The following MTAP variants were observed in gnomAD, a reference collection of about 807,000 sequenced individuals.
MTAP encodes methylthioadenosine phosphorylase.
Under a neutral mutation model 33.6 loss-of-function variants are expected in MTAP, and 33 were observed. The observed-to-expected ratio is 0.98, with a 90% confidence interval of 0.74 to 1.31. The LOEUF (loss-of-function observed/expected upper bound fraction) is 1.31, where lower values mean the gene tolerates loss of function less well. Ranked by LOEUF, MTAP falls within the 40% of genes most tolerant of loss-of-function variation. The pLI, the probability that MTAP is intolerant of heterozygous loss-of-function variation, is 0.00. For synonymous variants in MTAP, 148 were observed against 125.7 expected (o/e 1.18, Z -1.19); for missense variants, 367 against 360.0 (o/e 1.02, Z -0.16).
At chr9:21,929,995 TC>T (rs2131046401) in intron 1 of MTAP, 1 of 419,094 alleles carries the variant, frequency 2.4e-6, no homozygotes, top group South Asian at 2.1e-5. Flanking sequence ...ATATTATCTT[TC>T]TTCAGGCAAC....
chr9:21,917,907 C>G (rs1329160163), intron 1 of MTAP, among the ~76,000 whole-genome samples: 1 of 152,064 alleles, frequency 6.6e-6, no homozygotes, highest in African/African-American at 2.4e-5. Context: ...TACTACTGAG[C>G]TATAAAAAGG....
chr9:21,808,320 C>T (rs1250382997), intron 1 of MTAP, among the ~76,000 whole-genome samples: 3 of 151,908 alleles, frequency 2.0e-5, no homozygotes, highest in African/African-American at 4.8e-5. Flanking sequence ...CATGGTGGCT[C>T]ATGCCTGTAA....
chr9:21,813,100 G>C (rs1824391786), intron 1 of MTAP, among the ~76,000 whole-genome samples: 1 of 152,212 alleles, frequency 6.6e-6, no homozygotes. Flanking sequence ...AAGGAATGTG[G>C]ATAGAATTGG....
intron 1 of MTAP, among the ~76,000 whole-genome samples, chr9:21,804,019 C>T (rs1285597717): frequency 1.3e-5 from 2 of 152,190 alleles, no homozygotes; most frequent in East Asian, 3.8e-4. Flanking sequence ...GGCCTCTCCC[C>T]TGCCTTCATT....
At chr9:21,850,692 G>C (rs1214399892) in intron 5 of MTAP, among the ~76,000 whole-genome samples, 1 of 152,222 alleles carries the variant, frequency 6.6e-6, no homozygotes, top group African/African-American at 2.4e-5. Context: ...CCTGTTACTG[G>C]ACTTTGGTGG....
intron 1 of MTAP, among the ~76,000 whole-genome samples, chr9:21,804,346 TA>T (rs1244480420): frequency 2.0e-5 from 3 of 152,234 alleles, no homozygotes; most frequent in Non-Finnish European, 4.4e-5. Context: ...AAATGGTGTT[TA>T]AAACAGTCTT....
intron 1 of MTAP, among the ~76,000 whole-genome samples, chr9:21,894,065 C>G (rs1246709495): frequency 2.0e-5 from 3 of 151,958 alleles, no homozygotes; most frequent in Non-Finnish European, 4.4e-5. Flanking sequence ...ATCAAGTAGC[C>G]TTTATTCTTG....
intron 1 of MTAP, among the ~76,000 whole-genome samples, chr9:21,894,860 C>G (rs1360401353): frequency 2.0e-5 from 3 of 151,496 alleles, no homozygotes; most frequent in Admixed American, 2.0e-4. Flanking sequence ...ATGTATAAAA[C>G]TCAGCATTTC....
Position 21,863,748 on chromosome 9 carries a change from A to G in MTAP, c.*1734A>G. 1 of 985,908 alleles carries G rather than the reference A, an allele frequency of 1.0e-6. No homozygotes were observed. The highest frequency in any genetic ancestry group is 1.2e-6 in the Non-Finnish European group (1 of 829,930). 61.1% of individuals were successfully genotyped at this position (985,908 alleles called of 1,614,324 possible). ...ACAGGATACTTCAGGATCAAGATAC[A>G]GAACCTTTTATTTAAAGAGTTTGTA... On this transcript the variant is annotated 3_prime_UTR_variant, in exon 8 of 8. Transcript: ENST00000644715.
rs760576549 is a variant in MTAP at position 21,854,787 on chromosome 9, G to A, written c.607G>A (p.Val203Ile). The change falls in exon 6 of 8, where the codon GTT becomes ATT. Residue 203 changes from valine to isoleucine, a missense_variant. Coordinates refer to ENST00000644715, the MANE Select transcript of MTAP (RefSeq NM_002451.4). ...VINMTTVPEV[V>I]LAKEAGICYA... is the part of the protein sequence containing the mutation. ...CAACATGACCACAGTTCCAGAGGTG[G>A]TTCTTGCTAAGGAGGCTGGAATTTG... 6.2e-7 allele frequency: 1 copy of A among 1,614,072 alleles called. No homozygotes were observed. Among genetic ancestry groups the A allele is most frequent in the Non-Finnish European group, 8.5e-7 (1 of 1,180,022 alleles).
intron 5 of MTAP, among the ~76,000 whole-genome samples, chr9:21,852,838 A>C (rs1825550012): frequency 6.6e-6 from 1 of 152,066 alleles, no homozygotes. Context: ...TCATTTTAGG[A>C]GTTAATATGA....
At chr9:21,891,336 A>T (rs1375804506) in intron 1 of MTAP, among the ~76,000 whole-genome samples, 2 of 152,186 alleles carry the variant, frequency 1.3e-5, no homozygotes, top group Non-Finnish European at 2.9e-5. Context: ...CTGGATGGCA[A>T]TGAATATCAT....
intron 6 of MTAP, 150 bp from the exon 7 acceptor site, chr9:21,859,153 A>G (rs1000387119): frequency 1.1e-5 from 13 of 1,163,498 alleles, no homozygotes; most frequent in East Asian, 5.1e-5. Flanking sequence ...CCAACCTCCA[A>G]ATACCCTACA....
At chr9:21,929,639 C>G (rs980252857) in intron 1 of MTAP, 3 of 297,642 alleles carry the variant, frequency 1.0e-5, no homozygotes, top group Admixed American at 9.1e-5. Context: ...CCAGCCTGTA[C>G]CAGAGATTGG....
At chr9:21,938,461 AAAAG>A (rs199851704), downstream of MTAP, among the ~76,000 whole-genome samples, 11 of 151,564 alleles carry the variant, frequency 7.3e-5, no homozygotes, top group African/African-American at 9.7e-5. Flanking sequence ...AAGAAAGGGA[AAAAG>A]AAAGAAAGAA....
chr9:21,909,897 G>T (rs1818542383), intron 1 of MTAP, among the ~76,000 whole-genome samples: 1 of 152,076 alleles, frequency 6.6e-6, no homozygotes, highest in Admixed American at 6.6e-5. Flanking sequence ...TAATAACAGT[G>T]GCATAACCAG....
intron 5 of MTAP, among the ~76,000 whole-genome samples, chr9:21,845,937 A>G (rs1196317223): frequency 1.3e-5 from 2 of 152,212 alleles, no homozygotes; most frequent in African/African-American, 4.8e-5. Context: ...GTGGAACAGA[A>G]TAGAGTATCC....
chr9:21,917,340 G>T (rs28510428), intron 1 of MTAP, among the ~76,000 whole-genome samples: 3 of 152,164 alleles, frequency 2.0e-5, no homozygotes, highest in Admixed American at 6.5e-5. Context: ...ATGGCACAAG[G>T]TTGAAAGAGA....
At chr9:21,934,931 C>T (rs1329846975), downstream of MTAP, 1 of 151,992 alleles carries the variant, frequency 6.6e-6, no homozygotes, top group Admixed American at 6.6e-5. The surrounding 1 kb of genome is among the most constrained non-coding windows in gnomAD (Gnocchi z 5.0). Flanking sequence ...GAGCTCCTGA[C>T]CTCATGATCT....
Sources: allele counts gnomAD v4.1 joint callset (sites outside exome capture counted in the v4.1 genomes callset), GRCh38; gene constraint gnomAD v4.1.1; non-coding constraint Gnocchi (gnomAD v3.1); transcripts MANE v1.5; gene names NCBI Gene and HGNC (gene_info 2026-07-23, HGNC 2026-07-21).